BORCS5: variants seen among roughly 807,000 people sequenced by gnomAD.
BORCS5 encodes BLOC-1 related complex subunit 5.
BORCS5 carries 17 observed loss-of-function variants against 22.1 expected under a neutral mutation model. That is an observed-to-expected ratio of 0.77 (90% confidence interval 0.53 to 1.15). The LOEUF (loss-of-function observed/expected upper bound fraction) is 1.15, where lower values mean the gene tolerates loss of function less well. BORCS5 is among the 50% of genes most tolerant of loss of function. The probability of loss-of-function intolerance (pLI) is 0.00; values close to 1 mark genes in which losing one functional copy is unlikely to be tolerated. For synonymous variants in BORCS5, 117 were observed against 99.8 expected, an observed-to-expected ratio of 1.17 and a Z score of -1.03; for missense variants, 247 against 253.2, an observed-to-expected ratio of 0.98 and a Z score of 0.17.
At chr12:12,377,794 G>C (rs187699219) in intron 2 of BORCS5, among the ~76,000 whole-genome samples, 168 of 152,240 alleles carry the variant, frequency 1.1e-3, no homozygotes, top group Non-Finnish European at 1.9e-3. Flanking sequence ...CATATTTAGA[G>C]ATGCAAAAGT....
chr12:12,422,977 T>C (rs115729648), intron 2 of BORCS5, among the ~76,000 whole-genome samples: 2,007 of 135,288 alleles, frequency 0.015, 43 homozygotes, highest in African/African-American at 0.063. Context: ...TGTAAATACA[T>C]GGGCTTTTTT....
intron 2 of BORCS5, among the ~76,000 whole-genome samples, chr12:12,432,930 A>G (rs1038999942): frequency 1.7e-4 from 26 of 152,220 alleles, no homozygotes; most frequent in Non-Finnish European, 2.9e-4. Context: ...AAGCAGCACA[A>G]GAACTCTTTG....
Position 12,414,698 on chromosome 12 carries a change from C to CA in BORCS5, c.203-20929dup, listed in dbSNP as rs1555151302. On this transcript the variant is annotated intron_variant, in intron 2 of 3. Coordinates refer to ENST00000314565, the MANE Select transcript of BORCS5 (RefSeq NM_058169.6). The stretch of plus-strand genomic sequence containing the variant: ...GGCCGGGCGGGGGGCTGACCCCCCC[C>CA]ACCTCCCTCCCGGATGGGGTGGCTG... 5.0e-4 allele frequency among the ~76,000 whole-genome samples: 64 copies of CA among 127,738 alleles called. 1 individual carries two copies. The highest frequency in any genetic ancestry group is 1.9e-3 in the African/African-American group (60 of 31,266). 83.8% of individuals were successfully genotyped at this position (127,738 alleles called of 152,430 possible).
At chr12:12,449,616 G>C (rs1301750354) in intron 3 of BORCS5, among the ~76,000 whole-genome samples, 2 of 152,202 alleles carry the variant, frequency 1.3e-5, no homozygotes, top group African/African-American at 4.8e-5. Flanking sequence ...CTGCCGTTCT[G>C]ATATCGCTTA....
chr12:12,447,317 G>A (rs774182163), intron 3 of BORCS5, among the ~76,000 whole-genome samples: 4 of 152,078 alleles, frequency 2.6e-5, no homozygotes, highest in South Asian at 2.1e-4. Context: ...ATCAGCAACC[G>A]CCAACATCCT....
chr12:12,369,906 G>T (rs559461475), intron 2 of BORCS5, among the ~76,000 whole-genome samples: 149 of 151,040 alleles, frequency 9.9e-4, no homozygotes, highest in African/African-American at 3.5e-3. Context: ...TTTATTTTTA[G>T]TAGAGATGGG....
At chr12:12,393,774 G>T (rs1260383435) in intron 2 of BORCS5, among the ~76,000 whole-genome samples, 1 of 151,110 alleles carries the variant, frequency 6.6e-6, no homozygotes, top group African/African-American at 2.4e-5. Flanking sequence ...GCCCGCCTTG[G>T]CCTTCCAAAG....
chr12:12,427,659 A>C (rs1255106975), intron 2 of BORCS5, among the ~76,000 whole-genome samples: 1 of 152,184 alleles, frequency 6.6e-6, no homozygotes, highest in East Asian at 1.9e-4. Flanking sequence ...AGAATACCAT[A>C]AACCGGGTGG....
intron 2 of BORCS5, among the ~76,000 whole-genome samples, chr12:12,372,936 G>GCT (rs1381076734): frequency 6.6e-6 from 1 of 152,070 alleles, no homozygotes; most frequent in Non-Finnish European, 1.5e-5. Context: ...TGCAAACTTT[G>GCT]CTCTCTCTCT....
At chr12:12,413,079 T>G (rs560367310) in intron 2 of BORCS5, among the ~76,000 whole-genome samples, 6 of 128,592 alleles carry the variant, frequency 4.7e-5, no homozygotes, top group African/African-American at 6.2e-5. Flanking sequence ...GTGTCCCTGA[T>G]TACTTGAGAT....
At chr12:12,385,151 A>G (rs1014303611) in intron 2 of BORCS5, among the ~76,000 whole-genome samples, 3 of 151,180 alleles carry the variant, frequency 2.0e-5, no homozygotes, top group African/African-American at 7.3e-5. Context: ...GAATACACAC[A>G]CCCTCAGTGT....
At chr12:12,422,338 A>C (rs1290775144) in intron 2 of BORCS5, among the ~76,000 whole-genome samples, 1 of 151,886 alleles carries the variant, frequency 6.6e-6, no homozygotes, top group Admixed American at 6.6e-5. Flanking sequence ...AGGAGGCCGG[A>C]TGCGGTGGCT....
At chr12:12,365,611 G>A (rs984903855) in intron 2 of BORCS5, among the ~76,000 whole-genome samples, 14 of 141,540 alleles carry the variant, frequency 9.9e-5, no homozygotes, top group Non-Finnish European at 2.0e-4. Flanking sequence ...CAAACAAAAA[G>A]CCAGTGAGCA....
At chr12:12,405,001 A>G (rs1047846325) in intron 2 of BORCS5, among the ~76,000 whole-genome samples, 6 of 152,150 alleles carry the variant, frequency 3.9e-5, no homozygotes, top group Non-Finnish European at 5.9e-5. Context: ...GCGCCCGGCC[A>G]GAGAACTACT....
intron 3 of BORCS5, among the ~76,000 whole-genome samples, chr12:12,448,607 C>T (rs1942837894): frequency 6.6e-6 from 1 of 151,324 alleles, no homozygotes; most frequent in Non-Finnish European, 1.5e-5. Context: ...CGGCTAACTG[C>T]AGCCTTTGCC....
intron 2 of BORCS5, among the ~76,000 whole-genome samples, chr12:12,421,395 G>A (rs1942119211): frequency 6.6e-6 from 1 of 152,218 alleles, no homozygotes; most frequent in Non-Finnish European, 1.5e-5. Context: ...TCCCAGGGAT[G>A]AAGCCGACTT....
At chr12:12,391,152 C>T (rs1345553138) in intron 2 of BORCS5, among the ~76,000 whole-genome samples, 2 of 152,006 alleles carry the variant, frequency 1.3e-5, no homozygotes, top group African/African-American at 4.8e-5. Context: ...AAGTCCATAA[C>T]AGGAGCATAA....
intron 2 of BORCS5, among the ~76,000 whole-genome samples, chr12:12,370,099 T>TACACACACACACACACAC (rs56408181): frequency 6.9e-5 from 10 of 145,300 alleles, no homozygotes; most frequent in African/African-American, 2.3e-4. Context: ...AGTGGTTTTA[T>TACACACACACACACACAC]ACACACACAC....
chr12:12,365,529 C>A (rs1033773237), intron 2 of BORCS5, among the ~76,000 whole-genome samples: 1 of 151,854 alleles, frequency 6.6e-6, no homozygotes, highest in Non-Finnish European at 1.5e-5. Context: ...TCATCCCCCC[C>A]ACCCCAACCC....
Sources: gnomAD v4.1 joint callset for allele counts (sites outside exome capture counted in the v4.1 genomes callset) on GRCh38, gnomAD v4.1.1 for gene constraint, MANE v1.5 for transcripts, NCBI Gene and HGNC (gene_info 2026-07-23, HGNC 2026-07-21) for gene names.